The following MSTN variants were observed in gnomAD, a reference collection of about 807,000 sequenced individuals.
MSTN encodes the protein growth/differentiation factor 8.
Under a neutral mutation model 32.3 loss-of-function variants are expected in MSTN, and 12 were observed. That is an observed-to-expected ratio of 0.37 (90% CI 0.24 to 0.60). MSTN has a LOEUF of 0.60. Ranked by LOEUF, MSTN falls within the 20% of genes least tolerant of loss-of-function variation. MSTN has a pLI of 0.67. For missense variants in MSTN, 403 were observed against 450.3 expected, an observed-to-expected ratio of 0.89 and a Z score of 0.95; for synonymous variants, 168 against 155.1, an observed-to-expected ratio of 1.08 and a Z score of -0.62.
chr2:190,060,468 A>G, intron 1 of MSTN, 33 bp from the exon 2 acceptor site: 1 of 1,590,540 alleles, frequency 6.3e-7, no homozygotes, highest in Non-Finnish European at 8.5e-7. Flanking sequence ...AAGTTGCTGA[A>G]ATTATTTCCC....
chr2:190,058,748 A>C (rs1685509091), intron 2 of MSTN, among the ~76,000 whole-genome samples: 1 of 151,996 alleles, frequency 6.6e-6, no homozygotes, highest in Non-Finnish European at 1.5e-5. Context: ...GGGAATGGAA[A>C]ACCAAATACC....
At position 190,057,158 on chromosome 2, in the gene MSTN, C is replaced by T. The variant is rs1685458360; in HGVS notation, c.*100G>A. 2 of 1,306,162 alleles carry T rather than the reference C, an allele frequency of 1.5e-6. No homozygotes were observed. Among genetic ancestry groups the T allele is most frequent in the South Asian group, 1.2e-5 (1 of 80,168 alleles). The allele number at this position is 1,306,162 out of a possible 1,614,324, so 80.9% of individuals were successfully genotyped here. Reference sequence around the variant, plus strand: ...CTTATGCTTAAGTGACTGTAGCATACTCTAGGCCTATAGCCTGTGGTACTT... The same window carrying T: ...CTTATGCTTAAGTGACTGTAGCATATTCTAGGCCTATAGCCTGTGGTACTT... On this transcript the variant is annotated 3_prime_UTR_variant, in exon 3 of 3. Transcript: ENST00000260950.
rs745957429 is a variant in MSTN, at chr2:190,060,034, TATA to T, written c.747+25_747+27del. ...ATTATGAATAAAAACATAAGGTTAT[TATA>T]ATGTTATTTTCAGTTATCACTTACC... On this transcript the variant is annotated intron_variant, in intron 2 of 2. Coordinates refer to ENST00000260950, the MANE Select transcript of MSTN (RefSeq NM_005259.3). The T allele has an allele frequency of 2.5e-6, 4 of 1,601,698 alleles. No homozygotes were observed. The East Asian group carries it at 8.9e-5, about 36-fold the overall frequency.
Position 190,062,725 on chromosome 2 carries a change from A to T in MSTN, c.-129T>A, listed in dbSNP as rs1575560187. 3.7e-6 allele frequency: 3 copies of T among 810,260 alleles called. No individual in the cohort carries two copies. Among genetic ancestry groups the T allele is most frequent in the South Asian group, 1.8e-5 (1 of 56,176 alleles). 50.2% of individuals were successfully genotyped at this position (810,260 alleles called of 1,614,324 possible). On this transcript the variant is annotated 5_prime_UTR_variant, in exon 1 of 3. Transcript: ENST00000260950. ...TGAGAGACAACTTGCCACACCAGTG[A>T]ATCTTTTATACTGTATTCCAAGTGG...
Position 190,062,690 on chromosome 2 carries a change from A to C in MSTN, c.-94T>G, listed in dbSNP as rs779630329. 1.6e-6 allele frequency: 2 copies of C among 1,229,828 alleles called. No individual in the cohort carries two copies. The highest frequency in any genetic ancestry group is 4.2e-5 in the Admixed American group (2 of 47,690). 76.2% of individuals were successfully genotyped at this position (1,229,828 alleles called of 1,614,324 possible). ...GTAATGCCAAGCAAAATTTTAATGC[A>C]TGTACAGTCTGAGAGACAACTTGCC... On this transcript the variant is annotated 5_prime_UTR_variant, in exon 1 of 3. It removes an upstream start codon present in the reference 5' UTR. Transcript: ENST00000260950.
At chr2:190,059,868 G>C (rs1218403815) in intron 2 of MSTN, among the ~76,000 whole-genome samples, 194 bp downstream of exon 2, 2 of 151,936 alleles carry the variant, frequency 1.3e-5, no homozygotes, top group African/African-American at 4.8e-5. Context: ...TGCAAAGTAA[G>C]AGTATCAAGG....
In MSTN at chr2:190,060,233, C is replaced by T. The variant is rs763988846; in HGVS notation, c.576G>A (p.Leu192=). Residue 192 remains leucine, a synonymous_variant, in exon 2 of 3, where the codon CTG becomes CTA. Transcript: ENST00000260950. ...CAGTGCCTGGGTTCATGTCAAGTTT[C>T]AGAGATCGGATTCCAGTATACCTTG... ...DGTRYTGIRS[L]KLDMNPGTGI... is the part of the protein sequence containing the mutation. 1.4e-5 allele frequency: 23 copies of T among 1,612,964 alleles called. No homozygotes were observed. Among genetic ancestry groups the T allele is most frequent in the Admixed American group, 1.0e-4 (6 of 59,908 alleles).
At chr2:190,060,763 A>T (rs920121332) in intron 1 of MSTN, among the ~76,000 whole-genome samples, 11 of 152,070 alleles carry the variant, frequency 7.2e-5, no homozygotes, top group African/African-American at 2.6e-4. Context: ...AGAACAAGAG[A>T]CACTGTGGAG....
At chr2:190,060,510 G>A in intron 1 of MSTN, 75 bp from the exon 2 acceptor site, 2 of 1,368,772 alleles carry the variant, frequency 1.5e-6, no homozygotes, top group African/African-American at 1.5e-5. Flanking sequence ...TAATAGTTGA[G>A]CATTTTTTTA....
At chr2:190,059,926 A>G in intron 2 of MSTN, 136 bp downstream of exon 2, 4 of 797,790 alleles carry the variant, frequency 5.0e-6, no homozygotes, top group Non-Finnish European at 6.0e-6. Context: ...TATTGGGTAC[A>G]GGGCTACCGT....
At chr2:190,058,891 G>A (rs1299855687) in intron 2 of MSTN, among the ~76,000 whole-genome samples, 1 of 151,768 alleles carries the variant, frequency 6.6e-6, no homozygotes, top group Non-Finnish European at 1.5e-5. Context: ...TACACTACTT[G>A]GAGTGATGGG....
chr2:190,060,135 A>T lies in MSTN; in HGVS notation c.674T>A (p.Ile225Asn). 1 of 1,612,952 alleles carries T rather than the reference A, an allele frequency of 6.2e-7. No individual in the cohort carries two copies. The highest frequency in any genetic ancestry group is 8.5e-7 in the Non-Finnish European group (1 of 1,179,192). ...ATTCTCATCTAAAGCTTTTATTTCA[A>T]TGCCTAAGTTGGATTCAGGTTGTTT... ...WLKQPESNLG[I>N]EIKALDENGH... is the part of the protein sequence containing the mutation. Residue 225 changes from isoleucine to asparagine, a missense_variant, in exon 2 of 3, where the codon ATT becomes AAT. Ile to Asn is a moderately radical substitution (Grantham distance 149). Coordinates refer to ENST00000260950, the MANE Select transcript of MSTN (RefSeq NM_005259.3).
chr2:190,059,056 G>A (rs1312566660), intron 2 of MSTN, among the ~76,000 whole-genome samples: 1 of 151,422 alleles, frequency 6.6e-6, no homozygotes, highest in Non-Finnish European at 1.5e-5. Context: ...AAAAAATATT[G>A]TATAGTATTT....
At chr2:190,062,144 C>T in intron 1 of MSTN, 80 bp downstream of exon 1, 2 of 1,511,850 alleles carry the variant, frequency 1.3e-6, no homozygotes, top group Middle Eastern at 1.7e-4. Flanking sequence ...TTTAAAAGAG[C>T]CTGAAAATAG....
At chr2:190,059,983 G>T in intron 2 of MSTN, 79 bp downstream of exon 2, 1 of 1,437,706 alleles carries the variant, frequency 7.0e-7, no homozygotes, top group Non-Finnish European at 9.6e-7. Flanking sequence ...GGAATTTGTA[G>T]CTATTTTCCA....
rs1395843757 is a variant in MSTN at position 190,060,214 on chromosome 2, C to T, written c.595G>A (p.Gly199Ser). The T allele has an allele frequency of 6.2e-7, 1 of 1,613,104 alleles. No homozygotes were observed. Reference protein sequence around the residue: ...IRSLKLDMNPGTGIWQSIDVK... With the variant: ...IRSLKLDMNPSTGIWQSIDVK... ...TCAATGCTCTGCCAAATACCAGTGC[C>T]TGGGTTCATGTCAAGTTTCAGAGAT... Residue 199 changes from glycine (G) to serine (S), a missense_variant, in exon 2 of 3, where the codon GGC becomes AGC. Transcript: ENST00000260950.
In MSTN at chr2:190,062,364, C is replaced by G. The variant is rs1685621075; in HGVS notation, c.233G>C (p.Arg78Thr). Residue 78 changes from arginine to threonine, a missense_variant, in exon 1 of 3, where the codon AGA becomes ACA. Arg to Thr is a moderately conservative substitution (Grantham distance 71). Transcript: ENST00000260950. ...TAPNISKDVI[R>T]QLLPKAPPLR... is the part of the protein sequence containing the mutation. ...TGGAGGAGCTTTGGGTAAAAGTTGTCTTATAACATCTTTGCTGATGTTAGG... is the reference window on the plus strand; with the variant it reads ...TGGAGGAGCTTTGGGTAAAAGTTGTGTTATAACATCTTTGCTGATGTTAGG... 1.9e-6 allele frequency: 3 copies of G among 1,613,376 alleles called. No homozygotes were observed. The highest frequency in any genetic ancestry group is 2.5e-6 in the Non-Finnish European group (3 of 1,179,582).
chr2:190,058,097 C>T (rs1359625204), intron 2 of MSTN, among the ~76,000 whole-genome samples: 5 of 152,036 alleles, frequency 3.3e-5, no homozygotes, highest in Non-Finnish European at 7.4e-5. Flanking sequence ...TATAGTCATC[C>T]ATCCTCCTCA....
At position 190,057,611 on chromosome 2, in the gene MSTN, C is replaced by T; in HGVS notation, c.775G>A (p.Asp259Asn). ...TCCCTTCTGGATCTTTTTGGTGTGT[C>T]TGTTACCTTGACCTCTAAAAACGGA... ...LNPFLEVKVT[D>N]TPKRSRRDFG... Residue 259 changes from aspartate (D) to asparagine (N), a missense_variant, in exon 3 of 3, where the codon GAC becomes AAC. Physicochemically the swap from Asp to Asn is conservative, Grantham distance 23. Coordinates refer to ENST00000260950, the MANE Select transcript of MSTN (RefSeq NM_005259.3). 1 of 1,613,256 alleles carries T rather than the reference C, an allele frequency of 6.2e-7. No individual in the cohort carries two copies. The highest frequency in any genetic ancestry group is 8.5e-7 in the Non-Finnish European group (1 of 1,179,404).
Sources: allele counts gnomAD v4.1 joint callset (sites outside exome capture counted in the v4.1 genomes callset), GRCh38; gene constraint gnomAD v4.1.1; transcripts MANE v1.5; gene names NCBI Gene and HGNC (gene_info 2026-07-23, HGNC 2026-07-21).